The following TSHZ3 variants were observed in gnomAD, a reference collection of about 807,000 sequenced individuals.
The protein encoded by TSHZ3 is teashirt homolog 3.
A neutral mutation model predicts 64.5 loss-of-function variants in TSHZ3; 10 were observed. The observed-to-expected ratio is 0.16, with a 90% CI of 0.10 to 0.26. The LOEUF (loss-of-function observed/expected upper bound fraction) is 0.26. Ranked by LOEUF, TSHZ3 falls within the 10% of genes least tolerant of loss-of-function variation. The pLI, the probability that TSHZ3 is intolerant of heterozygous loss-of-function variation, is 1.00. For missense variants in TSHZ3, 1,242 were observed against 1,421.7 expected, an observed-to-expected ratio of 0.87 and a Z score of 2.03; for synonymous variants, 608 against 593.1, an observed-to-expected ratio of 1.03 and a Z score of -0.36.
At chr19:31,302,422 C>T (rs948261894) in intron 1 of TSHZ3, among the ~76,000 whole-genome samples, 6 of 152,198 alleles carry the variant, frequency 3.9e-5, no homozygotes, top group Non-Finnish European at 2.9e-5. Context: ...AGTACTCACA[C>T]CTGTTCATAA....
intron 1 of TSHZ3, among the ~76,000 whole-genome samples, chr19:31,312,596 C>T (rs764221537): frequency 6.6e-6 from 1 of 152,178 alleles, no homozygotes; most frequent in African/African-American, 2.4e-5. Context: ...TTGGGGCTTT[C>T]AGGGCCCCTT....
chr19:31,192,550 A>G (rs1393521637), intron 5 of TSHZ3, among the ~76,000 whole-genome samples: 1 of 152,148 alleles, frequency 6.6e-6, no homozygotes, highest in Non-Finnish European at 1.5e-5. Context: ...CTTATATTTT[A>G]TTTCTGGAAA....
At chr19:31,265,959 C>T (rs1343084267) in intron 1 of TSHZ3, among the ~76,000 whole-genome samples, 1 of 152,186 alleles carries the variant, frequency 6.6e-6, no homozygotes, top group Admixed American at 6.5e-5. Context: ...GCCCAAATCC[C>T]TTCCTTTTCT....
intron 5 of TSHZ3, among the ~76,000 whole-genome samples, chr19:31,170,023 CA>C (rs1368736598): frequency 6.6e-6 from 1 of 152,086 alleles, no homozygotes; most frequent in African/African-American, 2.4e-5. Flanking sequence ...GGCTAACAAG[CA>C]AGGTGAAATG....
At chr19:31,280,845 G>C (rs1456535951) in intron 1 of TSHZ3, among the ~76,000 whole-genome samples, 1 of 152,208 alleles carries the variant, frequency 6.6e-6, no homozygotes, top group Non-Finnish European at 1.5e-5. Flanking sequence ...TAATGCAACA[G>C]GGTGTTTTTT....
chr19:31,293,425 A>C (rs1004547063), intron 1 of TSHZ3, among the ~76,000 whole-genome samples: 14 of 152,102 alleles, frequency 9.2e-5, no homozygotes, highest in Admixed American at 5.9e-4. Flanking sequence ...CCCCCTCCAC[A>C]CACAGAGATG....
At chr19:31,281,672 G>A (rs773363610) in intron 1 of TSHZ3, among the ~76,000 whole-genome samples, 33 of 152,196 alleles carry the variant, frequency 2.2e-4, no homozygotes, top group Admixed American at 1.7e-3. Context: ...GAAATACGGC[G>A]CTGGCCAATG....
intron 3 of TSHZ3, among the ~76,000 whole-genome samples, chr19:31,229,935 C>A (rs539590861): frequency 1.8e-3 from 273 of 152,230 alleles, no homozygotes; most frequent in Middle Eastern, 0.017. Flanking sequence ...AAAATGGGCA[C>A]CCACAGATTG....
intron 1 of TSHZ3, among the ~76,000 whole-genome samples, chr19:31,325,217 A>G (rs1248665896): frequency 6.6e-6 from 1 of 152,174 alleles, no homozygotes; most frequent in Admixed American, 6.5e-5. Context: ...CCGGCCACAG[A>G]GCCAGGCTTT....
intron 1 of TSHZ3, among the ~76,000 whole-genome samples, chr19:31,267,946 T>C (rs959185432): frequency 2.0e-5 from 3 of 152,188 alleles, no homozygotes; most frequent in African/African-American, 7.2e-5. Flanking sequence ...ATGGTTTGGC[T>C]GTGTCCCCAC....
intron 5 of TSHZ3, among the ~76,000 whole-genome samples, chr19:31,178,185 A>T (rs572287884): frequency 1.3e-5 from 2 of 152,298 alleles, no homozygotes; most frequent in South Asian, 4.1e-4. Context: ...TGTTTAATTG[A>T]ACAAATGTTT....
intron 1 of TSHZ3, among the ~76,000 whole-genome samples, chr19:31,344,591 G>GGCCT (rs1158105452): frequency 6.6e-5 from 10 of 152,302 alleles, no homozygotes; most frequent in African/African-American, 1.7e-4. Context: ...CCTCCCCGCG[G>GGCCT]GCCTGCCTGC....
Position 31,278,341 on chromosome 19 carries a change from T to C in TSHZ3, c.1452A>G (p.Lys484=). 1.2e-6 allele frequency: 2 copies of C among 1,614,200 alleles called. No homozygotes were observed. The highest frequency in any genetic ancestry group is 1.7e-6 in the Non-Finnish European group (2 of 1,180,050). The stretch of plus-strand genomic sequence containing the variant: ...CGCCAGGCTTGTCTTTTTGCTTAGG[T>C]TTCTCGTCAGTGACCGCTTTCTCCT... ...VDKEKAVTDE[K]PKQKDKPGEE... Residue 484 remains lysine (K), a synonymous_variant, in exon 2 of 2, where the codon AAA becomes AAG. Transcript: ENST00000240587. This position sits in a 1 kb window ranked among gnomAD's most constrained non-coding sequence, Gnocchi z 4.7.
At chr19:31,254,000 T>C (rs987723576) in intron 1 of TSHZ3, among the ~76,000 whole-genome samples, 2 of 152,146 alleles carry the variant, frequency 1.3e-5, no homozygotes, top group African/African-American at 4.8e-5. Flanking sequence ...GCTCCTGCTC[T>C]TGTCTGAACA....
intron 1 of TSHZ3, among the ~76,000 whole-genome samples, chr19:31,243,418 C>T (rs527954743): frequency 6.6e-6 from 1 of 152,344 alleles, no homozygotes; most frequent in African/African-American, 2.4e-5. Context: ...TTGCCATAGT[C>T]ACTCCTAACT....
intron 5 of TSHZ3, among the ~76,000 whole-genome samples, chr19:31,170,223 G>A (rs766265909): frequency 1.3e-5 from 2 of 152,098 alleles, no homozygotes; most frequent in African/African-American, 4.8e-5. Flanking sequence ...GATCAGGTTC[G>A]GGTGAGGGCT....
intron 5 of TSHZ3, among the ~76,000 whole-genome samples, chr19:31,159,465 T>C (rs1381067612): frequency 2.0e-5 from 3 of 152,230 alleles, no homozygotes; most frequent in African/African-American, 7.2e-5. Context: ...TTATTTTGGC[T>C]ATCACAATTG....
intron 5 of TSHZ3, among the ~76,000 whole-genome samples, chr19:31,171,276 T>A (rs1041904401): frequency 6.6e-6 from 1 of 152,034 alleles, no homozygotes; most frequent in Non-Finnish European, 1.5e-5. Flanking sequence ...TTGGTCTAGA[T>A]CACGTCGCTC....
chr19:31,197,499 A>G (rs909660246), intron 5 of TSHZ3, among the ~76,000 whole-genome samples: 1 of 151,678 alleles, frequency 6.6e-6, no homozygotes, highest in Non-Finnish European at 1.5e-5. Flanking sequence ...GAAAAAAAAA[A>G]TAGAGAAAAT....
Sources: gnomAD v4.1 joint callset for allele counts (sites outside exome capture counted in the v4.1 genomes callset) on GRCh38, gnomAD v4.1.1 for gene constraint, Gnocchi (gnomAD v3.1) non-coding constraint, MANE v1.5 for transcripts, NCBI Gene and HGNC (gene_info 2026-07-23, HGNC 2026-07-21) for gene names.